IMMP2L: variants seen among roughly 807,000 people sequenced by gnomAD.
The protein encoded by IMMP2L is mitochondrial inner membrane protease subunit 2.
Under a neutral mutation model 19.3 loss-of-function variants are expected in IMMP2L, and 18 were observed. The ratio of observed to expected loss-of-function variants is 0.93; its 90% CI spans 0.64 to 1.38. IMMP2L has a LOEUF of 1.38. Ranked by LOEUF, IMMP2L falls within the 40% of genes most tolerant of loss-of-function variation. IMMP2L has a pLI of 0.00. For missense variants in IMMP2L, 233 were observed against 218.2 expected (o/e 1.07, Z -0.43); for synonymous variants, 76 against 73.0 (o/e 1.04, Z -0.21).
chr7:110,783,592 C>A lies in IMMP2L; in HGVS notation c.408+103001G>T, dbSNP rs187446089. Among the ~76,000 whole-genome samples the A allele has an allele frequency of 6.2e-3, 922 of 149,682 alleles. 8 individuals are homozygous for A. The highest frequency in any genetic ancestry group is 0.021 in the African/African-American group (862 of 41,368). ...CTCCTGGTATATATAGACAGTCTTACTCAATGGAAGTGTGAATGTTTAAGT... is the reference window on the plus strand; with the variant it reads ...CTCCTGGTATATATAGACAGTCTTAATCAATGGAAGTGTGAATGTTTAAGT... On this transcript the variant is annotated intron_variant, in intron 5 of 5. Coordinates refer to ENST00000405709, the MANE Select transcript of IMMP2L (RefSeq NM_032549.4).
chr7:111,554,051 T>C (rs1465681719), intron 1 of IMMP2L, among the ~76,000 whole-genome samples: 1 of 152,156 alleles, frequency 6.6e-6, no homozygotes, highest in Non-Finnish European at 1.5e-5. Flanking sequence ...GAATCTAATC[T>C]ACAATTTTTT....
intron 2 of IMMP2L, among the ~76,000 whole-genome samples, chr7:111,511,654 A>G (rs1051541751): frequency 1.1e-4 from 16 of 151,664 alleles, no homozygotes; most frequent in African/African-American, 3.6e-4. Flanking sequence ...GTTGAACAAA[A>G]AAAAAAAAAA....
chr7:111,280,349 G>C (rs1819551859), intron 3 of IMMP2L, among the ~76,000 whole-genome samples: 1 of 152,088 alleles, frequency 6.6e-6, no homozygotes, highest in Non-Finnish European at 1.5e-5. Context: ...CATCTCCTCA[G>C]ATGTCTTCAC....
chr7:110,962,779 A>G, intron 4 of IMMP2L: 1 of 1,147,404 alleles, frequency 8.7e-7, no homozygotes, highest in Non-Finnish European at 1.1e-6. Flanking sequence ...ATACTTTAGG[A>G]TCAAGTTTTT....
intron 3 of IMMP2L, among the ~76,000 whole-genome samples, chr7:111,153,577 T>C (rs1032353647): frequency 1.3e-5 from 2 of 152,036 alleles, no homozygotes; most frequent in Non-Finnish European, 2.9e-5. Flanking sequence ...CAGTAAACTA[T>C]GAGGCCATGC....
chr7:110,986,962 A>G, intron 3 of IMMP2L, among the ~76,000 whole-genome samples: 1 of 152,106 alleles, frequency 6.6e-6, no homozygotes, highest in East Asian at 1.9e-4. Context: ...AGTCCTATAT[A>G]ATGTTATGAT....
chr7:110,817,911 T>C (rs1468561679), intron 5 of IMMP2L, among the ~76,000 whole-genome samples: 1 of 152,132 alleles, frequency 6.6e-6, no homozygotes, highest in African/African-American at 2.4e-5. Context: ...GCTAGCTGTA[T>C]GTAGAAAGCT....
Position 110,662,860 on chromosome 7 carries a change from CCAT to C in IMMP2L, c.*739_*741del, listed in dbSNP as rs2130217231. Reference sequence around the variant, plus strand: ...ACTAAATGCGGATAAAGGGGTTTACCCATCATTGTGAATAGGCATGAGATCACT... The same window carrying C: ...ACTAAATGCGGATAAAGGGGTTTACCCATTGTGAATAGGCATGAGATCACT... On this transcript the variant is annotated 3_prime_UTR_variant, in exon 6 of 6. Coordinates refer to ENST00000405709, the MANE Select transcript of IMMP2L (RefSeq NM_032549.4). Among the ~76,000 whole-genome samples, 1 of 152,182 alleles carries C rather than the reference CCAT, an allele frequency of 6.6e-6. No homozygotes were observed. The highest frequency in any genetic ancestry group is 2.4e-5 in the African/African-American group (1 of 41,520).
At chr7:111,243,349 T>G (rs1815392437) in intron 3 of IMMP2L, among the ~76,000 whole-genome samples, 2 of 152,238 alleles carry the variant, frequency 1.3e-5, no homozygotes, top group South Asian at 4.1e-4. Context: ...TTGACAGGAA[T>G]GTACACAGTA....
intron 5 of IMMP2L, among the ~76,000 whole-genome samples, chr7:110,702,897 T>A (rs1794383455): frequency 6.6e-6 from 1 of 152,160 alleles, no homozygotes; most frequent in African/African-American, 2.4e-5. Flanking sequence ...CTCTCATTTC[T>A]TTTTCTTGTT....
intron 3 of IMMP2L, among the ~76,000 whole-genome samples, chr7:111,160,339 T>C (rs376111933): frequency 1.3e-5 from 2 of 152,052 alleles, no homozygotes; most frequent in Non-Finnish European, 2.9e-5. Context: ...TAACAAACCT[T>C]TGAGCAGTGT....
chr7:110,775,020 A>G (rs1021175309), intron 5 of IMMP2L, among the ~76,000 whole-genome samples: 1 of 152,096 alleles, frequency 6.6e-6, no homozygotes, highest in Non-Finnish European at 1.5e-5. Context: ...CACACCTTCA[A>G]TGATTACTTA....
chr7:111,187,320 A>T (rs1034522103), intron 3 of IMMP2L, among the ~76,000 whole-genome samples: 7 of 152,250 alleles, frequency 4.6e-5, no homozygotes, highest in Admixed American at 4.6e-4. Context: ...ACCCAAGGAG[A>T]GGGCCACCAG....
At chr7:111,411,211 A>T (rs1221462759) in intron 3 of IMMP2L, 1 of 164,866 alleles carries the variant, frequency 6.1e-6, no homozygotes, top group Non-Finnish European at 1.3e-5. Context: ...AGCTGGAAGG[A>T]AATGGAATGA....
At chr7:110,769,518 G>A (rs1414325308) in intron 5 of IMMP2L, among the ~76,000 whole-genome samples, 3 of 152,022 alleles carry the variant, frequency 2.0e-5, no homozygotes, top group South Asian at 2.1e-4. Context: ...TAGATAATAC[G>A]CAGAGAAGAG....
intron 3 of IMMP2L, among the ~76,000 whole-genome samples, chr7:111,431,931 A>T (rs891863211): frequency 7.0e-6 from 1 of 141,892 alleles, no homozygotes; most frequent in African/African-American, 2.9e-5. Context: ...CCTCAGATTT[A>T]AAAAAAAAAT....
chr7:110,967,781 T>C (rs1819703738), intron 3 of IMMP2L, among the ~76,000 whole-genome samples: 1 of 152,132 alleles, frequency 6.6e-6, no homozygotes, highest in African/African-American at 2.4e-5. Context: ...TACATCATTA[T>C]AATTTTAAAA....
intron 3 of IMMP2L, among the ~76,000 whole-genome samples, chr7:111,191,638 G>T (rs1387337133): frequency 6.6e-6 from 1 of 151,976 alleles, no homozygotes. Flanking sequence ...TGGCTTCTAA[G>T]GTAAGAAGAT....
chr7:111,521,482 G>T (rs761624022), intron 1 of IMMP2L, 33 bp from the exon 2 acceptor site: 3 of 1,566,656 alleles, frequency 1.9e-6, no homozygotes, highest in Middle Eastern at 1.7e-4. Flanking sequence ...TATGAAATTA[G>T]TCTCAAGAAA....
Sources: allele counts gnomAD v4.1 joint callset (sites outside exome capture counted in the v4.1 genomes callset), GRCh38; gene constraint gnomAD v4.1.1; transcripts MANE v1.5; gene names NCBI Gene and HGNC (gene_info 2026-07-23, HGNC 2026-07-21).